The following C1orf185 variants were observed in gnomAD, a reference collection of about 807,000 sequenced individuals.
C1orf185 encodes the protein chromosome 1 open reading frame 185.
A neutral mutation model predicts 16.1 loss-of-function variants in C1orf185; 13 were observed. That is an observed-to-expected ratio of 0.81 (90% CI 0.53 to 1.28). The LOEUF is 1.28. Ranked by LOEUF, C1orf185 falls within the 50% of genes most tolerant of loss-of-function variation. C1orf185 has a pLI of 0.00. For synonymous variants in C1orf185, 80 were observed against 76.9 expected, an observed-to-expected ratio of 1.04 and a Z score of -0.21; for missense variants, 220 against 225.2, an observed-to-expected ratio of 0.98 and a Z score of 0.15.
In C1orf185 at chr1:51,122,066, T is replaced by C. The variant is rs559410475; in HGVS notation, c.258+3265T>C. 3.3e-5 allele frequency among the ~76,000 whole-genome samples: 5 copies of C among 152,342 alleles called. No individual in the cohort carries two copies. The East Asian group carries it at 9.6e-4, about 29-fold the overall frequency. On this transcript the variant is annotated intron_variant, in intron 3 of 4. Transcript: ENST00000371759. ...CTTTCCTTTTTTGTGCAGTATTGCA[T>C]TTCTGAAATTCCTCCAGTTGATGTA...
chr1:51,124,209 G>C (rs1416776704), intron 3 of C1orf185, among the ~76,000 whole-genome samples: 1 of 151,110 alleles, frequency 6.6e-6, no homozygotes, highest in African/African-American at 2.4e-5. Flanking sequence ...AGCCTCCCAA[G>C]TTGCTGGGAC....
At position 51,128,213 on chromosome 1, in the gene C1orf185, G is replaced by T. The variant is rs150470320; in HGVS notation, c.258+9412G>T. On this transcript the variant is annotated intron_variant, in intron 3 of 4. Coordinates refer to ENST00000371759, the MANE Select transcript of C1orf185 (RefSeq NM_001136508.2). ...CTGTATTTTCATTTTTCATGGGAAA[G>T]TACCTGAACCTGGAATTGTCAAGGC... Among the ~76,000 whole-genome samples the T allele has an allele frequency of 1.7e-4, 26 of 152,142 alleles. No homozygotes were observed. In the East Asian group the frequency reaches 4.8e-3, roughly 28 times the overall value.
chr1:51,105,487 T>C (rs569809967), intron 1 of C1orf185, among the ~76,000 whole-genome samples: 2 of 152,310 alleles, frequency 1.3e-5, no homozygotes, highest in South Asian at 4.1e-4. Flanking sequence ...GCAGCATACT[T>C]CTTGAGGGAA....
chr1:51,144,881 C>T (rs908481421), intron 3 of C1orf185, among the ~76,000 whole-genome samples: 7 of 152,082 alleles, frequency 4.6e-5, no homozygotes, highest in African/African-American at 1.2e-4. Flanking sequence ...CCATCCCAAA[C>T]GCTCTATGCT....
intron 4 of C1orf185, 89 bp from the exon 5 acceptor site, chr1:51,147,378 T>C (rs1646407291): frequency 1.7e-6 from 2 of 1,200,054 alleles, no homozygotes; most frequent in South Asian, 1.7e-5. Flanking sequence ...AATTTCTTTA[T>C]AGCATTATCC....
intron 3 of C1orf185, among the ~76,000 whole-genome samples, chr1:51,119,921 T>C (rs1362683068): frequency 6.6e-6 from 1 of 151,664 alleles, no homozygotes; most frequent in Non-Finnish European, 1.5e-5. Context: ...AGAAGAAAAA[T>C]ACATAAACTA....
chr1:51,124,371 T>C (rs1400825026), intron 3 of C1orf185, among the ~76,000 whole-genome samples: 7 of 152,250 alleles, frequency 4.6e-5, no homozygotes, highest in Admixed American at 1.3e-4. Flanking sequence ...CGTGAGCCAC[T>C]GTACCTGGCC....
At chr1:51,115,054 T>C (rs1646147969) in intron 2 of C1orf185, among the ~76,000 whole-genome samples, 1 of 152,080 alleles carries the variant, frequency 6.6e-6, no homozygotes, top group Admixed American at 6.5e-5. Context: ...CTCAACATAA[T>C]ATTTTTGAGG....
intron 3 of C1orf185, among the ~76,000 whole-genome samples, chr1:51,141,165 G>A (rs1388980974): frequency 1.3e-5 from 2 of 152,198 alleles, no homozygotes; most frequent in African/African-American, 4.8e-5. Context: ...CTGAAGTTTT[G>A]CTATGTTGAA....
At chr1:51,104,838 G>A (rs990428195) in intron 1 of C1orf185, among the ~76,000 whole-genome samples, 2 of 152,164 alleles carry the variant, frequency 1.3e-5, no homozygotes, top group Non-Finnish European at 2.9e-5. Context: ...AACTGCCTCT[G>A]TTGTTATACC....
At chr1:51,130,748 T>C (rs1264197122) in intron 3 of C1orf185, among the ~76,000 whole-genome samples, 1 of 152,256 alleles carries the variant, frequency 6.6e-6, no homozygotes, top group African/African-American at 2.4e-5. Flanking sequence ...TGTATATGTC[T>C]CATACCAACA....
rs369454232 is a variant in C1orf185 at position 51,121,988 on chromosome 1, G to A, written c.258+3187G>A. On this transcript the variant is annotated intron_variant, in intron 3 of 4. Transcript: ENST00000371759. ...TTTTCCTTATAGTTTTGCCATAAAT[G>A]TTATAGAATAATATATTATTAAATT... 5.3e-5 allele frequency among the ~76,000 whole-genome samples: 8 copies of A among 152,156 alleles called. No homozygotes were observed. The East Asian group carries it at 1.5e-3, about 29-fold the overall frequency.
intron 3 of C1orf185, among the ~76,000 whole-genome samples, chr1:51,124,116 C>T (rs1215032839): frequency 7.0e-6 from 1 of 143,712 alleles, no homozygotes; most frequent in East Asian, 2.1e-4. Flanking sequence ...CAGTCTCGCA[C>T]TGTTGCCCAG....
At chr1:51,151,903 C>T (rs1232357584), downstream of C1orf185, among the ~76,000 whole-genome samples, 1 of 152,036 alleles carries the variant, frequency 6.6e-6, no homozygotes, top group Non-Finnish European at 1.5e-5. Flanking sequence ...CTTGGCCAGG[C>T]TGGTTTCAAA....
chr1:51,115,071 G>A lies in C1orf185; in HGVS notation c.122+2502G>A, dbSNP rs140345080. On this transcript the variant is annotated intron_variant, in intron 2 of 4. Transcript: ENST00000371759. ...CAACATAATATTTTTGAGGCCGGGC[G>A]CAGTGGCTGACGTCTGTAATCCCAA... Among the ~76,000 whole-genome samples the A allele has an allele frequency of 2.9e-4, 44 of 152,204 alleles. No individual in the cohort carries two copies. In the East Asian group the frequency reaches 8.1e-3, roughly 28 times the overall value.
At chr1:51,105,257 G>C (rs982518712) in intron 1 of C1orf185, among the ~76,000 whole-genome samples, 1 of 151,558 alleles carries the variant, frequency 6.6e-6, no homozygotes, top group Non-Finnish European at 1.5e-5. Flanking sequence ...GTGAGCCAAC[G>C]CTCCCCACCT....
chr1:51,118,793 C>T lies in C1orf185; in HGVS notation c.250C>T (p.Gln84Ter), dbSNP rs184105748. 10,523 of 1,453,332 alleles carry T rather than the reference C, an allele frequency of 7.2e-3. 45 individuals are homozygous for T. The highest frequency in any genetic ancestry group is 8.5e-3 in the Non-Finnish European group (9,250 of 1,091,372). 90.0% of individuals were successfully genotyped at this position (1,453,332 alleles called of 1,614,324 possible). ...TCGAAATTTTCATACTGGGAGATTC[C>T]AATTACAGGTAGGGTGTAATATTTT... ...ISRNFHTGRF[Q>*]LQEEQRKKEA... Residue 84 changes from glutamine (Q) to a stop codon, truncating the protein, a stop_gained, in exon 3 of 5, where the codon CAA becomes TAA. Coordinates refer to ENST00000371759, the MANE Select transcript of C1orf185 (RefSeq NM_001136508.2). LOFTEE classifies it low-confidence loss of function (END_TRUNC).
At chr1:51,145,675 T>G in intron 3 of C1orf185, 49 bp from the exon 4 acceptor site, 1 of 1,022,772 alleles carries the variant, frequency 9.8e-7, no homozygotes. Context: ...AAAGAAGTTA[T>G]ATAAAAATTA....
intron 1 of C1orf185, among the ~76,000 whole-genome samples, 175 bp from the exon 2 acceptor site, chr1:51,112,289 A>G (rs1646127026): frequency 6.6e-6 from 1 of 152,198 alleles, no homozygotes; most frequent in South Asian, 2.1e-4. Context: ...GTAATTCTCT[A>G]ATCCAGGGTC....
Sources: gnomAD v4.1 joint callset for allele counts (sites outside exome capture counted in the v4.1 genomes callset) on GRCh38, gnomAD v4.1.1 for gene constraint, MANE v1.5 for transcripts, NCBI Gene and HGNC (gene_info 2026-07-23, HGNC 2026-07-21) for gene names.